The following TOM1L2 variants were observed in gnomAD, a reference collection of about 807,000 sequenced individuals.
TOM1L2 encodes TOM1-like protein 2.
TOM1L2 carries 31 observed loss-of-function variants against 67.9 expected under a neutral mutation model. That is an observed-to-expected ratio of 0.46 (90% CI 0.34 to 0.62). TOM1L2 has a LOEUF of 0.62. TOM1L2 is among the 20% of genes least tolerant of loss of function. TOM1L2 has a pLI of 0.01. For synonymous variants in TOM1L2, 256 were observed against 254.0 expected, an observed-to-expected ratio of 1.01 and a Z score of -0.07; for missense variants, 606 against 663.5, an observed-to-expected ratio of 0.91 and a Z score of 0.95.
At chr17:17,899,694 C>T (rs779643729) in intron 2 of TOM1L2, among the ~76,000 whole-genome samples, 40 of 152,232 alleles carry the variant, frequency 2.6e-4, no homozygotes, top group Non-Finnish European at 4.3e-4. Context: ...GCCCTCAGTC[C>T]GGCTGTGGGC....
chr17:17,884,587 C>A (rs757593770), intron 5 of TOM1L2, 47 bp downstream of exon 5: 8 of 1,610,626 alleles, frequency 5.0e-6, no homozygotes, highest in Non-Finnish European at 5.9e-6. Flanking sequence ...GCTTGGCTCA[C>A]CCGTTCTGCA....
At chr17:17,850,478 TA>T (rs1297410374) in intron 13 of TOM1L2, among the ~76,000 whole-genome samples, 24 of 142,438 alleles carry the variant, frequency 1.7e-4, no homozygotes, top group Admixed American at 2.1e-4. Context: ...ACTTCACAAT[TA>T]AAAAAAAAAG....
intron 5 of TOM1L2, among the ~76,000 whole-genome samples, chr17:17,883,246 T>G (rs1207545160): frequency 3.3e-5 from 5 of 152,230 alleles, no homozygotes; most frequent in Non-Finnish European, 7.3e-5. Context: ...CTTGGTACCA[T>G]AAGAATTACT....
intron 1 of TOM1L2, among the ~76,000 whole-genome samples, chr17:17,969,906 G>A (rs1184904554): frequency 1.3e-5 from 2 of 152,020 alleles, no homozygotes; most frequent in Non-Finnish European, 2.9e-5. Flanking sequence ...CTAAACCTCA[G>A]AAAGCAACAC....
chr17:17,895,420 G>C (rs1003387818), intron 3 of TOM1L2, among the ~76,000 whole-genome samples: 2 of 152,182 alleles, frequency 1.3e-5, no homozygotes, highest in South Asian at 4.1e-4. Flanking sequence ...ACAAAACATA[G>C]CCGTAAAGAA....
intron 14 of TOM1L2, among the ~76,000 whole-genome samples, chr17:17,848,006 G>C (rs2035744348): frequency 6.6e-6 from 1 of 152,012 alleles, no homozygotes; most frequent in East Asian, 1.9e-4. Context: ...ACACAGCCCA[G>C]AGTGCTCACC....
intron 2 of TOM1L2, among the ~76,000 whole-genome samples, chr17:17,902,120 G>A (rs2038885700): frequency 2.0e-5 from 3 of 152,142 alleles, no homozygotes; most frequent in Admixed American, 6.5e-5. Context: ...TGGTTGTGGT[G>A]AGCTGAGATC....
chr17:17,869,198 C>T, intron 8 of TOM1L2, 142 bp downstream of exon 8: 1 of 1,475,972 alleles, frequency 6.8e-7, no homozygotes, highest in Non-Finnish European at 9.0e-7. Flanking sequence ...CAGCCGGGAA[C>T]AAATTAGCAT....
intron 1 of TOM1L2, among the ~76,000 whole-genome samples, chr17:17,920,669 C>T (rs1455104993): frequency 1.3e-5 from 2 of 151,822 alleles, no homozygotes; most frequent in Non-Finnish European, 2.9e-5. Flanking sequence ...GAGTATCACC[C>T]TGTTGCCCAG....
intron 1 of TOM1L2, among the ~76,000 whole-genome samples, chr17:17,914,222 G>A (rs747500901): frequency 6.6e-6 from 1 of 152,152 alleles, no homozygotes; most frequent in Non-Finnish European, 1.5e-5. Context: ...TTTCACTGCT[G>A]CAGGCTCCCA....
At chr17:17,948,464 T>C (rs2041047602) in intron 1 of TOM1L2, among the ~76,000 whole-genome samples, 1 of 152,080 alleles carries the variant, frequency 6.6e-6, no homozygotes, top group South Asian at 2.1e-4. Context: ...TTGGCCAACA[T>C]GGTGAAACCC....
chr17:17,935,240 A>G (rs2040473843), intron 1 of TOM1L2, among the ~76,000 whole-genome samples: 1 of 152,242 alleles, frequency 6.6e-6, no homozygotes, highest in South Asian at 2.1e-4. Flanking sequence ...AGGCAGCTGA[A>G]CTGTGAGTCA....
intron 1 of TOM1L2, among the ~76,000 whole-genome samples, chr17:17,968,856 T>C (rs1388714958): frequency 6.6e-6 from 1 of 152,032 alleles, no homozygotes; most frequent in East Asian, 1.9e-4. Flanking sequence ...TATTGTTTTC[T>C]GCATGCAGAG....
At chr17:17,860,270 C>T (rs551338699) in intron 12 of TOM1L2, among the ~76,000 whole-genome samples, 2 of 152,370 alleles carry the variant, frequency 1.3e-5, no homozygotes, top group Non-Finnish European at 2.9e-5. Flanking sequence ...ATGGGAGAAT[C>T]AGAGCCATGA....
At chr17:17,881,268 T>C (rs1179158259) in intron 6 of TOM1L2, among the ~76,000 whole-genome samples, 1 of 152,142 alleles carries the variant, frequency 6.6e-6, no homozygotes, top group Non-Finnish European at 1.5e-5. Flanking sequence ...AGGAAGGCTA[T>C]GGGCAGCCAC....
At chr17:17,945,291 C>T (rs1598386482) in intron 1 of TOM1L2, among the ~76,000 whole-genome samples, 1 of 145,462 alleles carries the variant, frequency 6.9e-6, no homozygotes, top group Non-Finnish European at 1.5e-5. Flanking sequence ...CACACACACA[C>T]TCTCTCTCTC....
At position 17,961,669 on chromosome 17, in the gene TOM1L2, C is replaced by T. The variant is rs375354925; in HGVS notation, c.52+10593G>A. ...CGGGCGCATCATGAGGTGAGGAGAT[C>T]GAGACCATCCTGGCTAACACGATGA... On this transcript the variant is annotated intron_variant, in intron 1 of 14. Transcript: ENST00000379504. 4.6e-5 allele frequency among the ~76,000 whole-genome samples: 7 copies of T among 152,114 alleles called. No individual in the cohort carries two copies. In the South Asian group the frequency reaches 1.5e-3, roughly 32 times the overall value.
chr17:17,913,730 G>A (rs1359114228), intron 1 of TOM1L2, among the ~76,000 whole-genome samples: 1 of 152,128 alleles, frequency 6.6e-6, no homozygotes, highest in African/African-American at 2.4e-5. Flanking sequence ...CTGACCCTGA[G>A]GATAAGTTAT....
chr17:17,935,534 G>A (rs1283771111), intron 1 of TOM1L2, among the ~76,000 whole-genome samples: 2 of 152,136 alleles, frequency 1.3e-5, no homozygotes, highest in African/African-American at 4.8e-5. Flanking sequence ...CAAGGTCCTG[G>A]TAACTGTGCC....
Sources: allele counts gnomAD v4.1 joint callset (sites outside exome capture counted in the v4.1 genomes callset), GRCh38; gene constraint gnomAD v4.1.1; transcripts MANE v1.5; gene names NCBI Gene and HGNC (gene_info 2026-07-23, HGNC 2026-07-21).